The following ZNF618 variants were observed in gnomAD, a reference collection of about 807,000 sequenced individuals.
The protein encoded by ZNF618 is zinc finger protein 618.
In ZNF618, 34 loss-of-function variants were observed where a neutral mutation model predicts 103.0. The observed-to-expected ratio is 0.33, with a 90% CI of 0.25 to 0.44. ZNF618 has a LOEUF of 0.44. Ranked by LOEUF, ZNF618 falls within the 20% of genes least tolerant of loss-of-function variation. The pLI is 1.00. For synonymous variants in ZNF618, 551 were observed against 542.2 expected, an observed-to-expected ratio of 1.02 and a Z score of -0.23; for missense variants, 1,059 against 1,295.4, an observed-to-expected ratio of 0.82 and a Z score of 2.80.
chr9:113,983,235 G>GA (rs200495290), intron 2 of ZNF618, among the ~76,000 whole-genome samples: 8 of 151,500 alleles, frequency 5.3e-5, no homozygotes, highest in Non-Finnish European at 1.0e-4. Flanking sequence ...AATGATATAT[G>GA]AAAAAAAAAT....
At chr9:113,975,966 A>G (rs945156745) in intron 2 of ZNF618, among the ~76,000 whole-genome samples, 4 of 152,170 alleles carry the variant, frequency 2.6e-5, no homozygotes, top group Non-Finnish European at 5.9e-5. Flanking sequence ...TGCAGGTTGA[A>G]TGGGGGCCCA....
chr9:113,877,512 C>A (rs1375183539), intron 1 of ZNF618, among the ~76,000 whole-genome samples: 1 of 151,502 alleles, frequency 6.6e-6, no homozygotes, highest in Non-Finnish European at 1.5e-5. Context: ...TTTGGACACA[C>A]CCAAAAATTG....
intron 2 of ZNF618, among the ~76,000 whole-genome samples, chr9:113,983,316 T>C (rs1046116114): frequency 6.6e-6 from 1 of 152,242 alleles, no homozygotes; most frequent in African/African-American, 2.4e-5. Context: ...TCCATTGTTA[T>C]TAGGACACCT....
intron 1 of ZNF618, among the ~76,000 whole-genome samples, chr9:113,908,273 GC>G (rs757130391): frequency 1.3e-5 from 2 of 151,952 alleles, no homozygotes; most frequent in Admixed American, 6.6e-5. Flanking sequence ...AGCCTTTTTA[GC>G]TAAAGAACTC....
At chr9:114,027,999 C>T (rs1288868720) in intron 10 of ZNF618, 1 of 152,130 alleles carries the variant, frequency 6.6e-6, no homozygotes, top group East Asian at 1.9e-4. Context: ...CTGGCCACCA[C>T]TGCTAAGGGT....
At chr9:113,983,375 T>A (rs1006541) in intron 2 of ZNF618, among the ~76,000 whole-genome samples, 3 of 152,016 alleles carry the variant, frequency 2.0e-5, no homozygotes, top group Non-Finnish European at 4.4e-5. Flanking sequence ...TTTGTAAATC[T>A]AAAGCCTAGA....
Position 113,994,303 on chromosome 9 carries a change from T to C in ZNF618, c.338-3956T>C, listed in dbSNP as rs535450478. On this transcript the variant is annotated intron_variant, in intron 3 of 14. Coordinates refer to ENST00000374126, the MANE Select transcript of ZNF618 (RefSeq NM_001318042.2). Reference sequence around the variant, plus strand: ...GTAGGTGCCAGGTCCTGCTTCATCGTGCCAGCTGATAGTTCGTTTCCTGTT... The same window carrying C: ...GTAGGTGCCAGGTCCTGCTTCATCGCGCCAGCTGATAGTTCGTTTCCTGTT... 3.3e-5 allele frequency among the ~76,000 whole-genome samples: 5 copies of C among 152,352 alleles called. No individual in the cohort carries two copies. The East Asian group carries it at 9.6e-4, about 29-fold the overall frequency.
At chr9:113,975,230 C>T (rs1838366972) in intron 2 of ZNF618, among the ~76,000 whole-genome samples, 1 of 152,150 alleles carries the variant, frequency 6.6e-6, no homozygotes, top group East Asian at 1.9e-4. Flanking sequence ...ATCTTCCCAG[C>T]AGCCCTTTCA....
chr9:114,032,866 G>A, intron 12 of ZNF618, 138 bp downstream of exon 12: 1 of 737,300 alleles, frequency 1.4e-6, no homozygotes. Context: ...GCTGGGAGCA[G>A]GGAATTAGAG....
Position 114,050,438 on chromosome 9 carries a change from A to ACACT in ZNF618, c.*274_*275insTCAC. 2.9e-6 allele frequency: 1 copy of ACACT among 341,518 alleles called. No individual in the cohort carries two copies. Among genetic ancestry groups the ACACT allele is most frequent in the Non-Finnish European group, 5.1e-6 (1 of 194,358 alleles). 21.2% of individuals were successfully genotyped at this position (341,518 alleles called of 1,614,324 possible). A position where few individuals can be genotyped will look rare whatever the true frequency, so the allele number is the denominator to read the frequency against. The stretch of plus-strand genomic sequence containing the variant: ...CTCCATGGCCAGAGAAACTTTGCAC[A>ACACT]CACGCACACACACACACACACACAC... On this transcript the variant is annotated 3_prime_UTR_variant, in exon 15 of 15. Transcript: ENST00000374126.
At chr9:113,961,561 C>G (rs1305510450) in intron 1 of ZNF618, among the ~76,000 whole-genome samples, 3 of 152,208 alleles carry the variant, frequency 2.0e-5, no homozygotes, top group Non-Finnish European at 2.9e-5. Flanking sequence ...CAGCCTCTTG[C>G]CACTCCTCAA....
intron 2 of ZNF618, among the ~76,000 whole-genome samples, chr9:113,985,017 C>T (rs1431137583): frequency 6.6e-6 from 1 of 152,210 alleles, no homozygotes; most frequent in African/African-American, 2.4e-5. Flanking sequence ...TCTGCACATG[C>T]CCCTCCCCTG....
At chr9:113,918,377 T>C (rs1424544205) in intron 1 of ZNF618, among the ~76,000 whole-genome samples, 1 of 152,240 alleles carries the variant, frequency 6.6e-6, no homozygotes, top group Non-Finnish European at 1.5e-5. Flanking sequence ...TGTGGCGATA[T>C]TTTGAGACTA....
At chr9:114,014,358 C>T (rs1842490279) in intron 9 of ZNF618, among the ~76,000 whole-genome samples, 1 of 152,156 alleles carries the variant, frequency 6.6e-6, no homozygotes, top group Non-Finnish European at 1.5e-5. Context: ...TTCCTACTTC[C>T]AGAACTAGAT....
chr9:113,883,954 C>T (rs1356869571), intron 1 of ZNF618, among the ~76,000 whole-genome samples: 1 of 116,200 alleles, frequency 8.6e-6, no homozygotes, highest in Admixed American at 1.2e-4. Context: ...GCTCCATGCT[C>T]TGTTTACCTC....
chr9:113,951,605 A>G lies in ZNF618; in HGVS notation c.34-17512A>G, dbSNP rs58788443. On this transcript the variant is annotated intron_variant, in intron 1 of 14. Transcript: ENST00000374126. The stretch of plus-strand genomic sequence containing the variant: ...TGTGTGTGTGTGTGTGTGTATATAT[A>G]TGTATATATATATATGTATATATAC... 8.0e-3 allele frequency among the ~76,000 whole-genome samples: 567 copies of G among 71,046 alleles called. 32 individuals are homozygous for G. The highest frequency in any genetic ancestry group is 0.024 in the African/African-American group (501 of 21,070). The allele number at this position is 71,046 out of a possible 152,430, so 46.6% of individuals were successfully genotyped here.
rs1334980478 is a variant in ZNF618, at chr9:113,981,150, T to C, written c.78-7171T>C. On this transcript the variant is annotated intron_variant, in intron 2 of 14. Coordinates refer to ENST00000374126, the MANE Select transcript of ZNF618 (RefSeq NM_001318042.2). ...CAGCTGGAGAGCAGTTCACCTTCAT[T>C]CCTAAGGAGTGGAGTTTTATTCTAG... Among the ~76,000 whole-genome samples, 6 of 152,180 alleles carry C rather than the reference T, an allele frequency of 3.9e-5. No homozygotes were observed. The East Asian group carries it at 1.2e-3, about 29-fold the overall frequency.
In ZNF618 at chr9:113,882,519, C is replaced by G. The variant is rs1366088254; in HGVS notation, c.33+6106C>G. ...GGGAGATTAAGTCCCACTGACAACA[C>G]TTGGGGTAGTCCTGGAAACCTGGTG... On this transcript the variant is annotated intron_variant, in intron 1 of 14. Transcript: ENST00000374126. Among the ~76,000 whole-genome samples the G allele has an allele frequency of 2.0e-5, 3 of 152,206 alleles. No individual in the cohort carries two copies. In the South Asian group the frequency reaches 6.2e-4, roughly 32 times the overall value.
intron 1 of ZNF618, among the ~76,000 whole-genome samples, chr9:113,937,962 G>A (rs1834172363): frequency 6.6e-6 from 1 of 151,906 alleles, no homozygotes; most frequent in Admixed American, 6.6e-5. Flanking sequence ...TTGTACCAGG[G>A]GGCTCTAAAA....
Sources: gnomAD v4.1 joint callset for allele counts (sites outside exome capture counted in the v4.1 genomes callset) on GRCh38, gnomAD v4.1.1 for gene constraint, MANE v1.5 for transcripts, NCBI Gene and HGNC (gene_info 2026-07-23, HGNC 2026-07-21) for gene names.